Variants in DMGDH observed in about 807,000 individuals in gnomAD.
DMGDH encodes the protein dimethylglycine dehydrogenase.
DMGDH carries 76 observed loss-of-function variants against 95.2 expected under a neutral mutation model. That is an observed-to-expected ratio of 0.80 (90% confidence interval 0.66 to 0.97). DMGDH has a LOEUF of 0.97. Ranked by LOEUF, DMGDH falls within the 50% of genes least tolerant of loss-of-function variation. The pLI is 0.00. For synonymous variants in DMGDH, 345 were observed against 377.6 expected (o/e 0.91, Z 1.00); for missense variants, 987 against 1,055.0 (o/e 0.94, Z 0.89).
At chr5:79,028,729 T>G in intron 11 of DMGDH, 79 bp from the exon 12 acceptor site, 1 of 1,459,216 alleles carries the variant, frequency 6.9e-7, no homozygotes, top group Non-Finnish European at 9.6e-7. Flanking sequence ...TCTGAAGACA[T>G]GCTTTGTGTC....
rs553952445 is a variant in DMGDH, at chr5:79,002,212, C to T, written c.2385+3061G>A. Among the ~76,000 whole-genome samples the T allele has an allele frequency of 8.5e-5, 13 of 152,234 alleles. No individual in the cohort carries two copies. In the South Asian group the frequency reaches 2.1e-3, roughly 24 times the overall value. ...TTCTATTGTGTTTTTCTTTGACTGTCCCCGTGTGTTTTAGTTTACAAATAA... is the reference window on the plus strand; with the variant it reads ...TTCTATTGTGTTTTTCTTTGACTGTTCCCGTGTGTTTTAGTTTACAAATAA... On this transcript the variant is annotated intron_variant, in intron 15 of 15. Coordinates refer to ENST00000255189, the MANE Select transcript of DMGDH (RefSeq NM_013391.3).
chr5:79,028,582 C>G lies in DMGDH; in HGVS notation c.1883G>C (p.Gly628Ala), dbSNP rs1340375842. Residue 628 changes from glycine to alanine, a missense_variant, in exon 12 of 16, where the codon GGA (glycine) becomes GCA (alanine). By Grantham distance (60) the Gly-to-Ala change is moderately conservative. Coordinates refer to ENST00000255189, the MANE Select transcript of DMGDH (RefSeq NM_013391.3). ...VEIKNITDEL[G>A]VLGVAGPQAR... ...CTGTGGCCCAGCAACTCCAAGAACT[C>G]CAAGCTCATCAGTTATGTTTTTAAT... is the stretch of plus-strand genomic sequence containing the variant. The G allele has an allele frequency of 6.2e-7, 1 of 1,614,006 alleles. No individual in the cohort carries two copies. Among genetic ancestry groups the G allele is most frequent in the Non-Finnish European group, 8.5e-7 (1 of 1,180,016 alleles).
At chr5:79,013,749 C>G (rs1459233737) in intron 14 of DMGDH, among the ~76,000 whole-genome samples, 1 of 152,092 alleles carries the variant, frequency 6.6e-6, no homozygotes, top group African/African-American at 2.4e-5. Context: ...AAAGGGGGAG[C>G]TGGCATGTCT....
intron 7 of DMGDH, among the ~76,000 whole-genome samples, chr5:79,035,885 C>A (rs1754334473): frequency 6.6e-6 from 1 of 152,166 alleles, no homozygotes; most frequent in Non-Finnish European, 1.5e-5. Context: ...AAAACCAATC[C>A]CTTTTCTGAT....
chr5:79,006,215 C>CAAA (rs56141633), intron 14 of DMGDH, among the ~76,000 whole-genome samples: 2 of 127,800 alleles, frequency 1.6e-5, no homozygotes, highest in Non-Finnish European at 1.6e-5. Context: ...TTATGTGTTA[C>CAAA]AAAAAAAAAA....
rs1561217008 is a variant in DMGDH, at chr5:79,032,664, G to A, written c.1517+23C>T. ...GTTTCACCCCTCGGTCAGAACCACA[G>A]GCAGGTAAAGTCCTTCTCCCACCTG... On this transcript the variant is annotated intron_variant, in intron 9 of 15. Coordinates refer to ENST00000255189, the MANE Select transcript of DMGDH (RefSeq NM_013391.3). The A allele has an allele frequency of 1.9e-6, 3 of 1,614,090 alleles. No individual in the cohort carries two copies. In the South Asian group the frequency reaches 3.3e-5, roughly 18 times the overall value.
chr5:79,061,723 C>T (rs1277616230), intron 2 of DMGDH, among the ~76,000 whole-genome samples: 7 of 152,088 alleles, frequency 4.6e-5, no homozygotes, highest in Admixed American at 1.3e-4. Context: ...AGTTCAAGAC[C>T]AGCCCGGGCA....
At chr5:79,022,011 A>C (rs980568440) in intron 14 of DMGDH, among the ~76,000 whole-genome samples, 1 of 152,218 alleles carries the variant, frequency 6.6e-6, no homozygotes, top group Admixed American at 6.5e-5. Flanking sequence ...GCTCTGATAC[A>C]GTCAGCTTCT....
chr5:79,041,982 G>T (rs757206802), intron 7 of DMGDH, among the ~76,000 whole-genome samples: 1 of 152,024 alleles, frequency 6.6e-6, no homozygotes, highest in Non-Finnish European at 1.5e-5. Context: ...CCTGGGCAAC[G>T]AGAGCAAAAC....
intron 9 of DMGDH, among the ~76,000 whole-genome samples, chr5:79,032,258 CT>C (rs1754200551): frequency 6.6e-6 from 1 of 152,210 alleles, no homozygotes; most frequent in Non-Finnish European, 1.5e-5. Flanking sequence ...TGCACACACT[CT>C]AGAAAGCAGT....
At chr5:79,018,091 T>C (rs1279380919) in intron 14 of DMGDH, among the ~76,000 whole-genome samples, 1 of 152,180 alleles carries the variant, frequency 6.6e-6, no homozygotes, top group Admixed American at 6.5e-5. Flanking sequence ...TCAGTTGCCC[T>C]GGCTGGAGTG....
intron 1 of DMGDH, among the ~76,000 whole-genome samples, chr5:79,067,987 T>G (rs1755428154): frequency 6.6e-6 from 1 of 152,116 alleles, no homozygotes; most frequent in Non-Finnish European, 1.5e-5. Context: ...GCAATCTCGG[T>G]TCTCACTGCA....
At chr5:79,060,069 G>A (rs1580230637) in intron 2 of DMGDH, among the ~76,000 whole-genome samples, 2 of 152,300 alleles carry the variant, frequency 1.3e-5, no homozygotes. Context: ...AACCTCCCGC[G>A]TAGTCAACCT....
intron 4 of DMGDH, among the ~76,000 whole-genome samples, chr5:79,053,874 A>C (rs953328125): frequency 1.4e-4 from 22 of 152,228 alleles, no homozygotes; most frequent in African/African-American, 4.8e-4. Context: ...TTCTCTCTGC[A>C]GTTCTCAAAC....
intron 7 of DMGDH, among the ~76,000 whole-genome samples, chr5:79,040,297 A>G (rs1288899093): frequency 1.3e-5 from 2 of 152,224 alleles, no homozygotes; most frequent in African/African-American, 2.4e-5. Context: ...AATACCACAC[A>G]TTTGGTGTAA....
intron 2 of DMGDH, among the ~76,000 whole-genome samples, chr5:79,058,730 A>G (rs1755105739): frequency 6.6e-6 from 1 of 152,224 alleles, no homozygotes; most frequent in African/African-American, 2.4e-5. Flanking sequence ...GAATTTGTAA[A>G]TCTTTCTTGA....
intron 3 of DMGDH, among the ~76,000 whole-genome samples, chr5:79,054,801 C>T (rs918983858): frequency 1.7e-4 from 26 of 152,186 alleles, no homozygotes; most frequent in African/African-American, 6.3e-4. Context: ...ATTCATTTGA[C>T]ATTTATTAAA....
rs776483131 is a variant in DMGDH at position 79,055,855 on chromosome 5, A to G, written c.330T>C (p.Tyr110=). The change falls in exon 3 of 16, where the codon TAT becomes TAC. Residue 110 remains tyrosine (Y), a synonymous_variant. Coordinates refer to ENST00000255189, the MANE Select transcript of DMGDH (RefSeq NM_013391.3). Reference sequence around the variant, plus strand: ...GTTTCTCATAAAGTTTGATGCTATCATAATGTATTTTCTTCAAGTTTATTC... The same window carrying G: ...GTTTCTCATAAAGTTTGATGCTATCGTAATGTATTTTCTTCAAGTTTATTC... The part of the protein sequence containing the change: ...HPGINLKKIH[Y]DSIKLYEKLE... 11 of 1,612,632 alleles carry G rather than the reference A, an allele frequency of 6.8e-6. No individual in the cohort carries two copies. Among genetic ancestry groups the G allele is most frequent in the Non-Finnish European group, 8.5e-6 (10 of 1,178,808 alleles).
chr5:79,008,211 G>A lies in DMGDH; in HGVS notation c.2251-2804C>T, dbSNP rs1007508828. 3.3e-5 allele frequency among the ~76,000 whole-genome samples: 5 copies of A among 152,296 alleles called. No homozygotes were observed. The East Asian group carries it at 9.7e-4, about 29-fold the overall frequency. On this transcript the variant is annotated intron_variant, in intron 14 of 15. Transcript: ENST00000255189. ...TTTGATAGAGGTATGGACAGTGGGG[G>A]CCCAAGGAAGAAAATGACCCAGTTC...
Sources: gnomAD v4.1 joint callset for allele counts (sites outside exome capture counted in the v4.1 genomes callset) on GRCh38, gnomAD v4.1.1 for gene constraint, MANE v1.5 for transcripts, NCBI Gene and HGNC (gene_info 2026-07-23, HGNC 2026-07-21) for gene names.